FIBCD1: variants seen among roughly 807,000 people sequenced by gnomAD.
FIBCD1 encodes fibrinogen C domain containing 1, also known as fibrinogen C domain-containing protein 1.
Under a neutral mutation model 45.1 loss-of-function variants are expected in FIBCD1, and 47 were observed. That is an observed-to-expected ratio of 1.04 (90% CI 0.82 to 1.33). The LOEUF is 1.33. Ranked by LOEUF, FIBCD1 falls within the 40% of genes most tolerant of loss-of-function variation. The pLI is 0.00. For missense variants in FIBCD1, 653 were observed against 682.2 expected (o/e 0.96, Z 0.48); for synonymous variants, 313 against 308.1 (o/e 1.02, Z -0.17).
rs568477239 is a variant in FIBCD1, at chr9:130,915,159, T to G, written c.850-3271A>C. Among the ~76,000 whole-genome samples the G allele has an allele frequency of 9.3e-4, 142 of 152,188 alleles. 1 individual carries two copies. The highest frequency in any genetic ancestry group is 1.2e-3 in the Non-Finnish European group (82 of 68,022). ...ATGGCTGTAGCCTTGAGTGTGCCCC[T>G]CTACCCAGGCTTCTGGTGCCAAGAG... On this transcript the variant is annotated intron_variant, in intron 4 of 6. Coordinates refer to ENST00000372338, the MANE Select transcript of FIBCD1 (RefSeq NM_032843.5).
At chr9:130,936,259 G>A (rs570234817) in intron 1 of FIBCD1, 2 of 152,506 alleles carry the variant, frequency 1.3e-5, no homozygotes, top group Non-Finnish European at 2.9e-5. Context: ...GGCCACAAGG[G>A]AGGAGAGAAG....
intron 1 of FIBCD1, chr9:130,936,458 A>T (rs946096315): frequency 2.6e-5 from 4 of 152,332 alleles, no homozygotes; most frequent in African/African-American, 9.6e-5. Flanking sequence ...GGTGCTTGCT[A>T]TTGGCCCAGG....
chr9:130,935,442 G>A (rs913134947), intron 1 of FIBCD1, among the ~76,000 whole-genome samples: 4 of 152,242 alleles, frequency 2.6e-5, no homozygotes, highest in African/African-American at 7.2e-5. Context: ...TCCTCCTTCT[G>A]TAGGGAGAGG....
At chr9:130,905,447 AG>A (rs776937789) in intron 5 of FIBCD1, 34 bp from the exon 6 acceptor site, 1 of 1,589,644 alleles carries the variant, frequency 6.3e-7, no homozygotes, top group South Asian at 1.1e-5. Context: ...GGAGAAGCTG[AG>A]GGGCGTAGGA....
In FIBCD1 at chr9:130,929,800, G is replaced by A. The variant is rs1443072340; in HGVS notation, c.319C>T (p.Arg107Cys). Reference sequence around the variant, plus strand: ...ACCGAGGCCTGGGCGCTCTCCAGGCGTGCGAAGCTGTCGGTGAGGTCGGGG... The same window carrying A: ...ACCGAGGCCTGGGCGCTCTCCAGGCATGCGAAGCTGTCGGTGAGGTCGGGG... Reference protein sequence around the residue: ...RCPDLTDSFARLESAQASVLQ... With the variant: ...RCPDLTDSFACLESAQASVLQ... Residue 107 changes from arginine (R) to cysteine (C), a missense_variant, in exon 2 of 7, where the codon CGC (arginine) becomes TGC (cysteine). Arg to Cys is a radical substitution (Grantham distance 180, BLOSUM62 -3). Transcript: ENST00000372338. 1.1e-5 allele frequency: 17 copies of A among 1,551,900 alleles called. No individual in the cohort carries two copies. The highest frequency in any genetic ancestry group is 1.4e-5 in the African/African-American group (1 of 73,136).
intron 4 of FIBCD1, among the ~76,000 whole-genome samples, chr9:130,920,430 A>G (rs1238631039): frequency 6.6e-6 from 1 of 152,086 alleles, no homozygotes; most frequent in Admixed American, 6.5e-5. Context: ...GCGGCTCTAT[A>G]TGGTACCCAT....
At chr9:130,913,122 C>T (rs555567853) in intron 4 of FIBCD1, among the ~76,000 whole-genome samples, 10 of 152,262 alleles carry the variant, frequency 6.6e-5, no homozygotes, top group Non-Finnish European at 8.8e-5. Context: ...GGAATCCCAT[C>T]GGTTAAATTG....
chr9:130,904,070 G>C lies in FIBCD1; in HGVS notation c.1380C>G (p.Asp460Glu). 6.2e-7 allele frequency: 1 copy of C among 1,612,428 alleles called. No individual in the cohort carries two copies. Among genetic ancestry groups the C allele is most frequent in the Non-Finnish European group, 8.5e-7 (1 of 1,179,580 alleles). The change falls in exon 7 of 7, where the codon GAC becomes GAG. Residue 460 changes from aspartate to glutamate, a missense_variant. Asp to Glu is a conservative substitution (Grantham distance 45, BLOSUM62 2). Coordinates refer to ENST00000372338, the MANE Select transcript of FIBCD1 (RefSeq NM_032843.5). The stretch of plus-strand genomic sequence containing the variant: ...AAGGACAAGGTGCACCAGTCTAGCG[G>C]TCCTCCCGGACCGGCCGGATCTTCA... ...SEMKIRPVREDR is the reference protein window; with the variant it reads ...SEMKIRPVREER
rs989644684 is a variant in FIBCD1 at position 130,930,023 on chromosome 9, C to T, written c.96G>A (p.Leu32=). ...CAGCCAGGGCCAGCAGCACGGTGCA[C>T]AGCACGTAGCCGCAGCTCGGCCGCT... ...KPQRPSCGYV[L]CTVLLALAVL... The change falls in exon 2 of 7, where the codon CTG becomes CTA. Residue 32 remains leucine (L), a synonymous_variant. Transcript: ENST00000372338. The T allele has an allele frequency of 6.6e-6, 10 of 1,509,110 alleles. No individual in the cohort carries two copies. The highest frequency in any genetic ancestry group is 4.7e-5 in the East Asian group (2 of 42,124). The allele number at this position is 1,509,110 out of a possible 1,614,324, so 93.5% of individuals were successfully genotyped here.
At chr9:130,921,008 T>G (rs1198669461) in intron 4 of FIBCD1, among the ~76,000 whole-genome samples, 3 of 152,220 alleles carry the variant, frequency 2.0e-5, no homozygotes, top group African/African-American at 7.2e-5. Context: ...ATCCCTGGCC[T>G]TCTCTGAGGC....
intron 1 of FIBCD1, among the ~76,000 whole-genome samples, chr9:130,935,467 A>C (rs1390807519): frequency 6.6e-6 from 1 of 152,354 alleles, no homozygotes; most frequent in East Asian, 1.9e-4. Flanking sequence ...ACGCATTAAC[A>C]AAGTCCAAAT....
chr9:130,920,223 T>C (rs13293102), intron 4 of FIBCD1, among the ~76,000 whole-genome samples: 20,256 of 152,146 alleles, frequency 0.13, 1,389 homozygotes, highest in South Asian at 0.2. Flanking sequence ...ACTCGGCACC[T>C]TCTGAATAAG....
At position 130,922,027 on chromosome 9, in the gene FIBCD1, C is replaced by T. The variant is rs1379376025; in HGVS notation, c.849+1717G>A. Among the ~76,000 whole-genome samples the T allele has an allele frequency of 6.6e-6, 1 of 152,132 alleles. No individual in the cohort carries two copies. Among genetic ancestry groups the T allele is most frequent in the African/African-American group, 2.4e-5 (1 of 41,418 alleles). ...CCCGCGTCCTGCCTCTGCTGGGGAC[C>T]GCTGACCCCTTTCAAAACTGACCCA... On this transcript the variant is annotated intron_variant, in intron 4 of 6. Transcript: ENST00000372338. The surrounding 1 kb of genome is among the most constrained non-coding windows in gnomAD (Gnocchi z 4.5).
chr9:130,930,035 G>A lies in FIBCD1; in HGVS notation c.84C>T (p.Cys28=), dbSNP rs961640892. ...GCAGCACGGTGCACAGCACGTAGCC[G>A]CAGCTCGGCCGCTGCAGGCCCGCCC... The part of the protein sequence containing the change: ...RPRDKPQRPS[C]GYVLCTVLLA... Residue 28 remains cysteine (C), a synonymous_variant, in exon 2 of 7, where the codon TGC becomes TGT. Coordinates refer to ENST00000372338, the MANE Select transcript of FIBCD1 (RefSeq NM_032843.5). 1.2e-5 allele frequency: 18 copies of A among 1,501,658 alleles called. No individual in the cohort carries two copies. The highest frequency in any genetic ancestry group is 6.9e-5 in the African/African-American group (5 of 72,198). 93.0% of individuals were successfully genotyped at this position (1,501,658 alleles called of 1,614,324 possible).
chr9:130,904,436 CACG>C, intron 6 of FIBCD1, 113 bp from the exon 7 acceptor site: 1 of 1,420,388 alleles, frequency 7.0e-7, no homozygotes, highest in East Asian at 2.3e-5. Flanking sequence ...TGAGTGCATA[CACG>C]TACGCACGTG....
intron 1 of FIBCD1, chr9:130,937,921 T>C (rs1480287313): frequency 6.6e-6 from 1 of 152,368 alleles, no homozygotes; most frequent in Non-Finnish European, 1.5e-5. Context: ...AGGGTTCAAA[T>C]CCCGACAGAG....
rs1831907180 is a variant in FIBCD1 at position 130,905,337 on chromosome 9, G to A, written c.1023C>T (p.Gly341=). Residue 341 remains glycine (G), a synonymous_variant, in exon 6 of 7, where the codon GGC becomes GGT. Transcript: ENST00000372338. ...LHVDLEDFEN[G]TAYARYGSFG... The stretch of plus-strand genomic sequence containing the variant: ...AGCTCCCGTAGCGGGCATAGGCCGT[G>A]CCATTCTCAAAGTCCTCCAGGTCCA... The A allele has an allele frequency of 2.5e-6, 4 of 1,613,954 alleles. No homozygotes were observed. In the South Asian group the frequency reaches 4.4e-5, roughly 18 times the overall value.
chr9:130,930,344 G>A (rs556910371), intron 1 of FIBCD1, among the ~76,000 whole-genome samples: 2 of 150,780 alleles, frequency 1.3e-5, no homozygotes, highest in Admixed American at 6.6e-5. Context: ...GCGGGGAGAC[G>A]CAGGGAGATG....
Position 130,903,806 on chromosome 9 carries a change from G to T in FIBCD1, c.*258C>A. On this transcript the variant is annotated 3_prime_UTR_variant, in exon 7 of 7. Transcript: ENST00000372338. ...GTCACAGTGGGGGCAGGCAGGAGTTGGGGTCGTCAAGTTTGCCAGCCCCCA... is the reference window on the plus strand; with the variant it reads ...GTCACAGTGGGGGCAGGCAGGAGTTTGGGTCGTCAAGTTTGCCAGCCCCCA... 1 of 583,234 alleles carries T rather than the reference G, an allele frequency of 1.7e-6. No individual in the cohort carries two copies. Among genetic ancestry groups the T allele is most frequent in the South Asian group, 1.9e-5 (1 of 51,396 alleles). The allele number at this position is 583,234 out of a possible 1,614,324, so 36.1% of individuals were successfully genotyped here. A position where few individuals can be genotyped will look rare whatever the true frequency, so the allele number is the denominator to read the frequency against.
Sources: gnomAD v4.1 joint callset for allele counts (sites outside exome capture counted in the v4.1 genomes callset) on GRCh38, gnomAD v4.1.1 for gene constraint, Gnocchi (gnomAD v3.1) non-coding constraint, MANE v1.5 for transcripts, NCBI Gene and HGNC (gene_info 2026-07-23, HGNC 2026-07-21) for gene names.